The following AIG1 variants were observed in gnomAD, a reference collection of about 807,000 sequenced individuals.
The protein encoded by AIG1 is androgen induced 1.
AIG1 carries 23 observed loss-of-function variants against 31.4 expected under a neutral mutation model. The ratio of observed to expected loss-of-function variants is 0.73; its 90% confidence interval spans 0.53 to 1.04. The LOEUF (loss-of-function observed/expected upper bound fraction) is 1.04, where lower values mean the gene tolerates loss of function less well. Ranked by LOEUF, AIG1 falls within the 50% of genes least tolerant of loss-of-function variation. The pLI is 0.00. For missense variants in AIG1, 274 were observed against 295.0 expected, an observed-to-expected ratio of 0.93 and a Z score of 0.52; for synonymous variants, 100 against 110.5, an observed-to-expected ratio of 0.90 and a Z score of 0.60.
At chr6:143,119,623 T>C (rs1215074235) in intron 1 of AIG1, among the ~76,000 whole-genome samples, 4 of 152,230 alleles carry the variant, frequency 2.6e-5, no homozygotes, top group Non-Finnish European at 5.9e-5. Flanking sequence ...ATGGACACTT[T>C]GGACTTAGTT....
At chr6:143,211,578 G>C (rs77425207) in intron 3 of AIG1, among the ~76,000 whole-genome samples, 2,527 of 152,216 alleles carry the variant, frequency 0.017, 79 homozygotes, top group African/African-American at 0.057. Context: ...TGATGAGAAG[G>C]AGTCTAAACA....
At chr6:143,162,907 C>T (rs1403253074) in intron 2 of AIG1, among the ~76,000 whole-genome samples, 1 of 152,070 alleles carries the variant, frequency 6.6e-6, no homozygotes, top group Non-Finnish European at 1.5e-5. Flanking sequence ...GGTGCATGCT[C>T]CGCATAGGCA....
Position 143,192,570 on chromosome 6 carries a change from C to T in AIG1, c.399+27387C>T, listed in dbSNP as rs936397564. 7.3e-5 allele frequency among the ~76,000 whole-genome samples: 11 copies of T among 151,142 alleles called. No homozygotes were observed. The East Asian group carries it at 9.7e-4, about 13-fold the overall frequency. ...CAATGAGCCAAGATCGTACTACTTG[C>T]ACTCCAGCCTGGGCAACAGAGCGAG... On this transcript the variant is annotated intron_variant, in intron 3 of 5. Transcript: ENST00000357847.
chr6:143,176,406 T>C (rs1231460577), intron 3 of AIG1, among the ~76,000 whole-genome samples: 1 of 152,130 alleles, frequency 6.6e-6, no homozygotes, highest in African/African-American at 2.4e-5. Context: ...GGGCTATAGA[T>C]CTCTCAAGAG....
chr6:143,086,376 T>C (rs1778784602), intron 1 of AIG1, among the ~76,000 whole-genome samples: 1 of 148,476 alleles, frequency 6.7e-6, no homozygotes, highest in Non-Finnish European at 1.5e-5. Flanking sequence ...TTTCTGCCTC[T>C]CTTTCCCCAC....
chr6:143,286,484 A>G (rs543307148), intron 4 of AIG1, among the ~76,000 whole-genome samples: 1 of 152,194 alleles, frequency 6.6e-6, no homozygotes, highest in African/African-American at 2.4e-5. Flanking sequence ...ACTGTGCCAA[A>G]TGCTAAACAA....
intron 1 of AIG1, among the ~76,000 whole-genome samples, chr6:143,082,360 G>A (rs933121135): frequency 1.3e-5 from 2 of 152,080 alleles, no homozygotes; most frequent in Non-Finnish European, 2.9e-5. Context: ...CCTCTAAAAG[G>A]TCCCCTTGAG....
intron 3 of AIG1, among the ~76,000 whole-genome samples, chr6:143,215,458 C>T (rs1341647134): frequency 6.6e-6 from 1 of 152,136 alleles, no homozygotes; most frequent in African/African-American, 2.4e-5. Flanking sequence ...TTCCAGTGCA[C>T]CTTGCAGATA....
intron 3 of AIG1, among the ~76,000 whole-genome samples, chr6:143,271,834 T>C (rs1796547048): frequency 6.6e-6 from 1 of 150,796 alleles, no homozygotes; most frequent in Non-Finnish European, 1.5e-5. Context: ...TAAAGATGAA[T>C]ATATCTTTCA....
At chr6:143,169,301 C>A (rs772306358) in intron 3 of AIG1, among the ~76,000 whole-genome samples, 2 of 151,828 alleles carry the variant, frequency 1.3e-5, no homozygotes, top group African/African-American at 2.4e-5. Flanking sequence ...TTACTTGTAC[C>A]TTTGAAAATT....
intron 3 of AIG1, chr6:143,190,273 GA>G: frequency 1.0e-6 from 1 of 985,474 alleles, no homozygotes; most frequent in South Asian, 4.7e-5. Context: ...ATGGATCACA[GA>G]TTGTAGGAGT....
intron 3 of AIG1, among the ~76,000 whole-genome samples, chr6:143,276,970 A>G (rs9390075): frequency 0.12 from 18,870 of 152,122 alleles, 1,579 homozygotes; most frequent in East Asian, 0.39. Context: ...GATTCTCTTC[A>G]TGCCCTCACT....
At chr6:143,183,314 G>C (rs1173419798) in intron 3 of AIG1, among the ~76,000 whole-genome samples, 1 of 151,246 alleles carries the variant, frequency 6.6e-6, no homozygotes, top group Non-Finnish European at 1.5e-5. Flanking sequence ...CCCTGCCTCA[G>C]CCTCCCAAGT....
chr6:143,190,937 G>A (rs1789735682), intron 3 of AIG1, among the ~76,000 whole-genome samples: 1 of 152,032 alleles, frequency 6.6e-6, no homozygotes, highest in African/African-American at 2.4e-5. Flanking sequence ...CATACTCAGA[G>A]GTTCTGATGG....
At chr6:143,252,627 G>C (rs1179442179) in intron 3 of AIG1, among the ~76,000 whole-genome samples, 1 of 152,226 alleles carries the variant, frequency 6.6e-6, no homozygotes, top group Admixed American at 6.5e-5. Flanking sequence ...ACCCGAACAT[G>C]TATGAGTAAG....
intron 1 of AIG1, among the ~76,000 whole-genome samples, chr6:143,071,201 G>T (rs1424121353): frequency 6.6e-6 from 1 of 152,018 alleles, no homozygotes; most frequent in Admixed American, 6.6e-5. Context: ...TGACTTCTGG[G>T]GATTGCTTTT....
At chr6:143,342,651 T>A (rs1441826832), downstream of AIG1, 4 of 1,215,128 alleles carry the variant, frequency 3.3e-6, no homozygotes, top group African/African-American at 5.9e-5. Context: ...TTTGATGGCA[T>A]AAAAGCTGAT....
intron 3 of AIG1, among the ~76,000 whole-genome samples, chr6:143,282,029 C>A (rs1797371745): frequency 6.6e-6 from 1 of 152,220 alleles, no homozygotes; most frequent in African/African-American, 2.4e-5. Flanking sequence ...TACATCTGAT[C>A]ATCAGCAAGT....
chr6:143,173,210 C>G (rs1424235912), intron 3 of AIG1, among the ~76,000 whole-genome samples: 1 of 152,146 alleles, frequency 6.6e-6, no homozygotes, highest in Non-Finnish European at 1.5e-5. Flanking sequence ...CGTGCACCAC[C>G]ACACCTGTCT....
Sources: gnomAD v4.1 joint callset for allele counts (sites outside exome capture counted in the v4.1 genomes callset) on GRCh38, gnomAD v4.1.1 for gene constraint, MANE v1.5 for transcripts, NCBI Gene and HGNC (gene_info 2026-07-23, HGNC 2026-07-21) for gene names.